SLC38A9: variants seen among roughly 807,000 people sequenced by gnomAD.
SLC38A9 encodes neutral amino acid transporter 9.
SLC38A9 carries 48 observed loss-of-function variants against 62.3 expected under a neutral mutation model. The observed-to-expected ratio is 0.77, with a 90% CI of 0.61 to 0.98. The LOEUF (loss-of-function observed/expected upper bound fraction) is 0.98. Ranked by LOEUF, SLC38A9 falls within the 50% of genes least tolerant of loss-of-function variation. The pLI is 0.00. For synonymous variants in SLC38A9, 204 were observed against 227.7 expected, an observed-to-expected ratio of 0.90 and a Z score of 0.94; for missense variants, 541 against 679.8, an observed-to-expected ratio of 0.80 and a Z score of 2.27.
Position 55,633,648 on chromosome 5 carries a change from CA to C in SLC38A9, c.1430+105del, listed in dbSNP as rs1302756081. On this transcript the variant is annotated intron_variant, in intron 14 of 15. Transcript: ENST00000396865. ...ATGATCTATCTTTAGTCACCACTTG[CA>C]TTAGGCATTTTTATAGCAAAAGGAT... 111 of 1,486,818 alleles carry C rather than the reference CA, an allele frequency of 7.5e-5. 1 individual carries two copies. Among genetic ancestry groups the C allele is most frequent in the Non-Finnish European group, 8.7e-5 (95 of 1,097,408 alleles). The allele number at this position is 1,486,818 out of a possible 1,614,324, so 92.1% of individuals were successfully genotyped here.
intron 3 of SLC38A9, among the ~76,000 whole-genome samples, chr5:55,674,531 T>C (rs1423670893): frequency 1.3e-5 from 2 of 152,282 alleles, no homozygotes; most frequent in South Asian, 2.1e-4. Flanking sequence ...ACGTACTCTT[T>C]GGCCCTTCCA....
intron 10 of SLC38A9, among the ~76,000 whole-genome samples, 172 bp downstream of exon 10, chr5:55,652,357 C>CAAAAAAAAAAAAAAAAAAAAA (rs60557392): frequency 1.8e-5 from 1 of 56,190 alleles, no homozygotes; most frequent in Admixed American, 2.6e-4. Context: ...AACTCCGTCT[C>CAAAAAAAAAAAAAAAAAAAAA]AAAAAAAAAA....
At chr5:55,707,426 A>T (rs1019345726) in intron 2 of SLC38A9, among the ~76,000 whole-genome samples, 2 of 152,222 alleles carry the variant, frequency 1.3e-5, no homozygotes, top group African/African-American at 4.8e-5. Flanking sequence ...GACATATTCC[A>T]GCCTGGCCAA....
intron 9 of SLC38A9, among the ~76,000 whole-genome samples, chr5:55,653,006 G>A (rs780887365): frequency 2.8e-4 from 43 of 151,932 alleles, no homozygotes; most frequent in Non-Finnish European, 5.2e-4. Context: ...TCGCTCTGTC[G>A]CCCAGGCTGG....
intron 14 of SLC38A9, among the ~76,000 whole-genome samples, chr5:55,629,403 C>T (rs1743029601): frequency 6.6e-6 from 1 of 152,076 alleles, no homozygotes; most frequent in Non-Finnish European, 1.5e-5. Context: ...TAATGCCAAA[C>T]ACTCTCCAAA....
chr5:55,627,427 T>A (rs1415437595), intron 15 of SLC38A9, among the ~76,000 whole-genome samples: 1 of 151,558 alleles, frequency 6.6e-6, no homozygotes, highest in East Asian at 1.9e-4. Context: ...AAGAAAGCCA[T>A]CTAGGGTCTA....
At chr5:55,687,606 ATTTC>A (rs961505700) in intron 3 of SLC38A9, among the ~76,000 whole-genome samples, 1 of 152,012 alleles carries the variant, frequency 6.6e-6, no homozygotes, top group Non-Finnish European at 1.5e-5. Context: ...GTCATCTCTG[ATTTC>A]TTTGAGCAGC....
At chr5:55,651,277 G>A (rs1485022189) in intron 10 of SLC38A9, among the ~76,000 whole-genome samples, 1 of 69,778 alleles carries the variant, frequency 1.4e-5, no homozygotes, top group African/African-American at 4.5e-5. Flanking sequence ...TTAAGACAGA[G>A]TCTCATTCTG....
rs1162389778 is a variant in SLC38A9, at chr5:55,652,179, TG to T, written c.952+349del. On this transcript the variant is annotated intron_variant, in intron 10 of 15. Transcript: ENST00000396865. The stretch of plus-strand genomic sequence containing the variant: ...TTTGAGACCAGCCTGGACAACATGG[TG>T]AAATCCCACCTCTACCAAAAATACA... 8.0e-5 allele frequency among the ~76,000 whole-genome samples: 12 copies of T among 150,098 alleles called. No homozygotes were observed. In the East Asian group the frequency reaches 2.1e-3, roughly 27 times the overall value.
chr5:55,664,818 T>G lies in SLC38A9; in HGVS notation c.572A>C (p.His191Pro). 1.3e-6 allele frequency: 2 copies of G among 1,583,310 alleles called. No homozygotes were observed. The highest frequency in any genetic ancestry group is 1.7e-6 in the Non-Finnish European group (2 of 1,166,716). The stretch of plus-strand genomic sequence containing the variant: ...CCACTGCCCAAAGGAGCCGAAATAA[T>G]GTCTGCAGACATCTGGATATTCCCA... The part of the protein sequence containing the change: ...TSWEYPDVCR[H>P]YFGSFGQWSS... The change falls in exon 8 of 16, where the codon CAT becomes CCT. Residue 191 changes from histidine (H) to proline (P), a missense_variant. Transcript: ENST00000396865.
intron 3 of SLC38A9, among the ~76,000 whole-genome samples, chr5:55,674,162 G>T (rs1239020698): frequency 1.3e-5 from 2 of 152,160 alleles, no homozygotes; most frequent in Non-Finnish European, 2.9e-5. Flanking sequence ...CAGAATCTTT[G>T]AATCTTTTAC....
chr5:55,633,990 C>A (rs958595278), intron 13 of SLC38A9, 88 bp from the exon 14 acceptor site: 3 of 1,014,736 alleles, frequency 3.0e-6, no homozygotes, highest in Non-Finnish European at 4.3e-6. Flanking sequence ...TTATTTTGAA[C>A]ACAGGTGCTA....
intron 14 of SLC38A9, among the ~76,000 whole-genome samples, chr5:55,632,880 A>G (rs1049012994): frequency 6.6e-6 from 1 of 152,220 alleles, no homozygotes; most frequent in Non-Finnish European, 1.5e-5. Context: ...GTCTATTAGC[A>G]TTAGACATGG....
chr5:55,654,671 A>G (rs1748090483), intron 9 of SLC38A9, among the ~76,000 whole-genome samples: 1 of 151,728 alleles, frequency 6.6e-6, no homozygotes, highest in Admixed American at 6.6e-5. Flanking sequence ...ATGAATCCCA[A>G]CTCTGCCACT....
chr5:55,710,223 G>GTT (rs1757836223), intron 2 of SLC38A9, among the ~76,000 whole-genome samples: 1 of 126,698 alleles, frequency 7.9e-6, no homozygotes. Context: ...TTTTTTTTAA[G>GTT]ACAGGATCTC....
intron 14 of SLC38A9, 107 bp downstream of exon 14, chr5:55,633,647 G>T: frequency 5.5e-6 from 8 of 1,462,548 alleles, no homozygotes; most frequent in East Asian, 2.4e-5. Flanking sequence ...GTCACCACTT[G>T]CATTAGGCAT....
intron 2 of SLC38A9, among the ~76,000 whole-genome samples, chr5:55,702,346 C>T (rs534151812): frequency 1.3e-4 from 19 of 151,836 alleles, no homozygotes; most frequent in African/African-American, 4.1e-4. Context: ...ACTGCAGCCG[C>T]GACCTCTTGG....
At chr5:55,642,608 G>C (rs1745620161) in intron 12 of SLC38A9, among the ~76,000 whole-genome samples, 1 of 152,160 alleles carries the variant, frequency 6.6e-6, no homozygotes, top group Non-Finnish European at 1.5e-5. Context: ...TACAAGAACA[G>C]ACTGTAAATA....
chr5:55,707,306 A>G (rs1187889733), intron 2 of SLC38A9, among the ~76,000 whole-genome samples: 1 of 152,232 alleles, frequency 6.6e-6, no homozygotes, highest in African/African-American at 2.4e-5. Flanking sequence ...ATAATGCAGA[A>G]TAGTTTATCA....
Sources: allele counts gnomAD v4.1 joint callset (sites outside exome capture counted in the v4.1 genomes callset), GRCh38; gene constraint gnomAD v4.1.1; transcripts MANE v1.5; gene names NCBI Gene and HGNC (gene_info 2026-07-23, HGNC 2026-07-21).